PRMT8: variants seen among roughly 807,000 people sequenced by gnomAD.
PRMT8 encodes protein arginine N-methyltransferase 8.
Under a neutral mutation model 47.1 loss-of-function variants are expected in PRMT8, and 7 were observed. The ratio of observed to expected loss-of-function variants is 0.15; its 90% CI spans 0.08 to 0.28. The LOEUF is 0.28. PRMT8 is among the 10% of genes least tolerant of loss of function. PRMT8 has a pLI of 1.00. For missense variants in PRMT8, 237 were observed against 505.4 expected (o/e 0.47, Z 5.09); for synonymous variants, 188 against 186.5 (o/e 1.01, Z -0.07).
intron 1 of PRMT8, among the ~76,000 whole-genome samples, chr12:3,396,558 T>G (rs1864250617): frequency 6.6e-6 from 1 of 152,258 alleles, no homozygotes; most frequent in Non-Finnish European, 1.5e-5. Flanking sequence ...TCTTCTGGCT[T>G]GTAGAGTTTC....
intron 1 of PRMT8, among the ~76,000 whole-genome samples, chr12:3,414,891 C>T (rs540750672): frequency 2.0e-5 from 3 of 152,040 alleles, no homozygotes; most frequent in Non-Finnish European, 2.9e-5. Flanking sequence ...CTACCAGCTG[C>T]AGTCTTTTTA....
chr12:3,533,954 C>T (rs1866075772), intron 1 of PRMT8, among the ~76,000 whole-genome samples: 2 of 152,256 alleles, frequency 1.3e-5, no homozygotes, highest in Non-Finnish European at 2.9e-5. Context: ...CAGCTTAGAT[C>T]ACAGCCTGGT....
Position 3,459,955 on chromosome 12 carries a change from C to T in PRMT8, c.48+78513C>T, listed in dbSNP as rs75241264. 1.9e-3 allele frequency among the ~76,000 whole-genome samples: 297 copies of T among 152,326 alleles called. 2 individuals are homozygous for T. The highest frequency in any genetic ancestry group is 9.1e-3 in the East Asian group (47 of 5,186). On this transcript the variant is annotated intron_variant, in intron 1 of 9. Coordinates refer to the PRMT8 transcript ENST00000452611. ...GCCCTCCGACCCTCCTATGCCATTA[C>T]GTTCACGTCAAACCCTACCACACCG...
intron 1 of PRMT8, among the ~76,000 whole-genome samples, chr12:3,382,010 C>G (rs529018375): frequency 6.6e-6 from 1 of 152,252 alleles, no homozygotes; most frequent in Non-Finnish European, 1.5e-5. Flanking sequence ...TTTTTGGTTT[C>G]ACTCAGCATA....
chr12:3,536,834 A>G (rs1866126359), intron 1 of PRMT8, among the ~76,000 whole-genome samples: 1 of 152,236 alleles, frequency 6.6e-6, no homozygotes, highest in Admixed American at 6.5e-5. Context: ...TGTGTAATCA[A>G]ACACTCTTCC....
At chr12:3,466,104 C>T (rs1022501361) in intron 1 of PRMT8, among the ~76,000 whole-genome samples, 17 of 152,298 alleles carry the variant, frequency 1.1e-4, no homozygotes, top group African/African-American at 3.1e-4. Context: ...AGGAAGGTGA[C>T]GCTGCACTGT....
At chr12:3,491,890 T>TGTGTGTGTGTG (rs1865415257) in intron 1 of PRMT8, among the ~76,000 whole-genome samples, 190 bp downstream of exon 1, 1 of 9,722 alleles carries the variant, frequency 1.0e-4, no homozygotes, top group Non-Finnish European at 2.0e-4. Context: ...GTGTGTGTGT[T>TGTGTGTGTGTG]GGTGGGGGGT....
intron 1 of PRMT8, among the ~76,000 whole-genome samples, chr12:3,390,331 T>C (rs186887438): frequency 1.3e-5 from 2 of 152,248 alleles, no homozygotes. Flanking sequence ...TGGCTGCTGT[T>C]TTCTGTTCCT....
intron 1 of PRMT8, among the ~76,000 whole-genome samples, chr12:3,427,404 A>G (rs535571394): frequency 1.3e-5 from 2 of 152,130 alleles, no homozygotes; most frequent in Non-Finnish European, 2.9e-5. Flanking sequence ...ACTGGATGAT[A>G]CCCCTTTAAC....
upstream of PRMT8, among the ~76,000 whole-genome samples, chr12:3,490,990 T>A (rs1865385075): frequency 6.6e-6 from 1 of 151,950 alleles, no homozygotes. Context: ...CGGCTTTCTC[T>A]GGGCCCCCCG....
intron 4 of PRMT8, among the ~76,000 whole-genome samples, chr12:3,558,389 T>C (rs1242421833): frequency 1.3e-5 from 2 of 152,150 alleles, no homozygotes; most frequent in African/African-American, 4.8e-5. Flanking sequence ...CCTGAATACA[T>C]TAGTGTGCAT....
chr12:3,528,635 T>A (rs1865980128), intron 1 of PRMT8, among the ~76,000 whole-genome samples: 2 of 152,086 alleles, frequency 1.3e-5, no homozygotes, highest in South Asian at 4.1e-4. Context: ...CATTTCTCGG[T>A]TCAGTTTTGT....
At chr12:3,459,151 C>T (rs1865009342) in intron 1 of PRMT8, among the ~76,000 whole-genome samples, 1 of 152,232 alleles carries the variant, frequency 6.6e-6, no homozygotes, top group South Asian at 2.1e-4. Context: ...GAAATCAGAG[C>T]CCTGTTTGGC....
intron 1 of PRMT8, among the ~76,000 whole-genome samples, chr12:3,418,415 C>T: frequency 1.3e-5 from 2 of 152,186 alleles, no homozygotes; most frequent in South Asian, 4.1e-4. Context: ...CAGGACAGTG[C>T]CAATCTTGGT....
At chr12:3,482,922 A>G (rs1346965523) in intron 1 of PRMT8, among the ~76,000 whole-genome samples, 2 of 152,118 alleles carry the variant, frequency 1.3e-5, no homozygotes, top group African/African-American at 4.8e-5. Flanking sequence ...CGTGTCCAAG[A>G]TCATAGAGTC....
At chr12:3,391,648 TCTGACTTTCCATGTTATC>T (rs1285312256) in intron 1 of PRMT8, among the ~76,000 whole-genome samples, 1 of 152,202 alleles carries the variant, frequency 6.6e-6, no homozygotes, top group African/African-American at 2.4e-5. Flanking sequence ...AGGGATGTGA[TCTGACTTTCCATGTTATC>T]CTGTACCAAA....
rs149024607 is a variant in PRMT8 at position 3,430,297 on chromosome 12, A to G, written c.48+48855A>G. Among the ~76,000 whole-genome samples, 912 of 152,262 alleles carry G rather than the reference A, an allele frequency of 6.0e-3. 14 individuals carry two copies. The highest frequency in any genetic ancestry group is 0.021 in the African/African-American group (878 of 41,548). On this transcript the variant is annotated intron_variant, in intron 1 of 9. Transcript: ENST00000452611. The stretch of plus-strand genomic sequence containing the variant: ...ACACAAGCAGTTAGGTCAGGGGTTG[A>G]TTTTTAACTACCAGGCCCAGGGCAC...
intron 7 of PRMT8, among the ~76,000 whole-genome samples, chr12:3,578,816 G>A (rs1866998863): frequency 6.6e-6 from 1 of 152,108 alleles, no homozygotes; most frequent in African/African-American, 2.4e-5. Context: ...GAGTATCACT[G>A]TGGACTTTAG....
intron 1 of PRMT8, among the ~76,000 whole-genome samples, chr12:3,470,640 C>T (rs189391575): frequency 9.4e-5 from 14 of 149,226 alleles, no homozygotes; most frequent in African/African-American, 2.2e-4. Context: ...CTCCAGAATA[C>T]GCAGGAGTGA....
Sources: gnomAD v4.1 joint callset for allele counts (sites outside exome capture counted in the v4.1 genomes callset) on GRCh38, gnomAD v4.1.1 for gene constraint, MANE v1.5 for transcripts, NCBI Gene and HGNC (gene_info 2026-07-23, HGNC 2026-07-21) for gene names.